Variants in DNAAF5 observed in about 807,000 individuals in gnomAD.
The protein encoded by DNAAF5 is dynein axonemal assembly factor 5.
A neutral mutation model predicts 75.8 loss-of-function variants in DNAAF5; 64 were observed. That is an observed-to-expected ratio of 0.84 (90% CI 0.69 to 1.04). The LOEUF is 1.04. DNAAF5 is among the 50% of genes least tolerant of loss of function. The pLI is 0.00. For synonymous variants in DNAAF5, 657 were observed against 557.2 expected (o/e 1.18, Z -2.52); for missense variants, 1,269 against 1,178.5 (o/e 1.08, Z -1.12).
intron 11 of DNAAF5, among the ~76,000 whole-genome samples, chr7:779,750 C>G (rs574109146): frequency 6.6e-6 from 1 of 152,288 alleles, no homozygotes; most frequent in South Asian, 2.1e-4. Context: ...CGCCTCCACT[C>G]TGTTGGCTGG....
intron 4 of DNAAF5, among the ~76,000 whole-genome samples, chr7:751,719 C>T (rs1010348292): frequency 1.3e-5 from 2 of 151,834 alleles, no homozygotes; most frequent in Non-Finnish European, 2.9e-5. Context: ...ATTACAGGCG[C>T]TCGCCAGCAC....
chr7:738,994 C>G (rs771472496), intron 2 of DNAAF5, among the ~76,000 whole-genome samples: 51 of 152,246 alleles, frequency 3.3e-4, no homozygotes, highest in Admixed American at 1.2e-3. Context: ...TGTGCTCAGG[C>G]CTTGTGGCCC....
chr7:784,633 C>T (rs559829843), intron 12 of DNAAF5, among the ~76,000 whole-genome samples: 72 of 152,280 alleles, frequency 4.7e-4, no homozygotes, highest in Non-Finnish European at 3.2e-4. Context: ...TTTTCATCAT[C>T]GGCCACTGCT....
intron 8 of DNAAF5, among the ~76,000 whole-genome samples, chr7:764,513 G>A (rs1303727764): frequency 2.0e-5 from 3 of 152,184 alleles, no homozygotes; most frequent in African/African-American, 4.8e-5. Context: ...CACGGCCCGC[G>A]CTGCTCCACG....
chr7:785,588 C>T lies in DNAAF5; in HGVS notation c.2503C>T (p.His835Tyr). Residue 835 changes from histidine to tyrosine, a missense_variant, in exon 13 of 13, where the codon CAC becomes TAC. Physicochemically the swap from His to Tyr is moderately conservative, Grantham distance 83. Transcript: ENST00000297440. ...VRETEAVIHK[H>Y]RSATYCEQLL... The stretch of plus-strand genomic sequence containing the variant: ...GGAGACGGAGGCCGTCATCCACAAG[C>T]ACCGCTCGGCCACCTACTGCGAGCA... The T allele has an allele frequency of 6.2e-7, 1 of 1,613,354 alleles. No individual in the cohort carries two copies. Among genetic ancestry groups the T allele is most frequent in the Non-Finnish European group, 8.5e-7 (1 of 1,180,022 alleles).
intron 8 of DNAAF5, among the ~76,000 whole-genome samples, chr7:766,526 A>G (rs1323117749): frequency 6.6e-6 from 1 of 152,242 alleles, no homozygotes; most frequent in East Asian, 1.9e-4. Context: ...ATACATTTGA[A>G]CCAAAATAAA....
intron 7 of DNAAF5, among the ~76,000 whole-genome samples, chr7:762,921 C>A (rs140312041): frequency 6.6e-6 from 1 of 152,184 alleles, no homozygotes; most frequent in African/African-American, 2.4e-5. Flanking sequence ...GCCATTATGC[C>A]CAAAAATCTT....
intron 8 of DNAAF5, chr7:769,020 G>A (rs1257301393): frequency 8.1e-6 from 5 of 613,818 alleles, no homozygotes; most frequent in African/African-American, 1.8e-5. Context: ...TGCGTGGGGA[G>A]GCCCTCCAAG....
chr7:735,562 C>T (rs901195390), intron 2 of DNAAF5, among the ~76,000 whole-genome samples: 1 of 152,200 alleles, frequency 6.6e-6, no homozygotes, highest in African/African-American at 2.4e-5. Flanking sequence ...AGTGTCGCTG[C>T]TCACGATGTC....
rs77762138 is a variant in DNAAF5 at position 773,711 on chromosome 7, G to A, written c.1932-337G>A. ...CCACCGCACCTGCCCTAGCCCAGGC[G>A]TCACTCAGGCCTCCTTTTGAAGCTA... On this transcript the variant is annotated intron_variant, in intron 9 of 12. Coordinates refer to ENST00000297440, the MANE Select transcript of DNAAF5 (RefSeq NM_017802.4). Among the ~76,000 whole-genome samples the A allele has an allele frequency of 2.1e-3, 318 of 152,280 alleles. 1 individual carries two copies. Among genetic ancestry groups the A allele is most frequent in the Non-Finnish European group, 3.1e-3 (210 of 68,018 alleles).
At chr7:757,326 G>A (rs556925291) in intron 6 of DNAAF5, among the ~76,000 whole-genome samples, 9 of 152,218 alleles carry the variant, frequency 5.9e-5, no homozygotes, top group African/African-American at 1.7e-4. Context: ...CACAGTTCAC[G>A]TGTTTGATGA....
intron 2 of DNAAF5, among the ~76,000 whole-genome samples, chr7:730,776 CAG>C (rs1287658711): frequency 6.7e-6 from 1 of 149,010 alleles, no homozygotes; most frequent in Non-Finnish European, 1.5e-5. Context: ...CGCAGAGACA[CAG>C]GGGGACCCTT....
chr7:776,520 G>T (rs771010899), intron 11 of DNAAF5, among the ~76,000 whole-genome samples: 1 of 151,234 alleles, frequency 6.6e-6, no homozygotes, highest in Non-Finnish European at 1.5e-5. Context: ...CGGGAAGGGG[G>T]ACCTCAGGGT....
chr7:775,260 A>G, intron 11 of DNAAF5, 98 bp downstream of exon 11: 1 of 1,114,900 alleles, frequency 9.0e-7, no homozygotes, highest in Non-Finnish European at 1.3e-6. Context: ...AACTCAGATC[A>G]AAACTATCTC....
intron 11 of DNAAF5, among the ~76,000 whole-genome samples, chr7:779,328 C>T (rs560262342): frequency 6.6e-6 from 1 of 152,274 alleles, no homozygotes; most frequent in South Asian, 2.1e-4. Context: ...GATGGGCCTC[C>T]GGGTGGTTTT....
At chr7:752,866 A>G (rs1167322685) in intron 4 of DNAAF5, among the ~76,000 whole-genome samples, 1 of 152,272 alleles carries the variant, frequency 6.6e-6, no homozygotes, top group Non-Finnish European at 1.5e-5. Flanking sequence ...GAAACTCAGC[A>G]GGAAAACAAT....
chr7:773,462 G>A (rs570011397), intron 9 of DNAAF5, among the ~76,000 whole-genome samples: 1 of 152,086 alleles, frequency 6.6e-6, no homozygotes, highest in Non-Finnish European at 1.5e-5. Flanking sequence ...ACTTTGACCT[G>A]ACTGGTCACC....
intron 3 of DNAAF5, 92 bp from the exon 4 acceptor site, chr7:741,255 G>A: frequency 4.3e-6 from 4 of 919,858 alleles, no homozygotes; most frequent in Non-Finnish European, 6.7e-6. Context: ...TCACGCAATG[G>A]GGTCTTTGGG....
In DNAAF5 at chr7:726,953, T is replaced by C; in HGVS notation, c.233T>C (p.Leu78Pro). The C allele has an allele frequency of 7.5e-7, 1 of 1,327,824 alleles. No homozygotes were observed. The highest frequency in any genetic ancestry group is 9.7e-7 in the Non-Finnish European group (1 of 1,034,796). 82.3% of individuals were successfully genotyped at this position (1,327,824 alleles called of 1,614,324 possible). ...CAGGGCCCCTGGGCGCGCCTACTGC[T>C]GCCGCGCTTGCTGCGCTGCCTGAGC... ...AFQGPWARLL[L>P]PRLLRCLSDP... Residue 78 changes from leucine to proline, a missense_variant, in exon 1 of 13, where the codon CTG (leucine) becomes CCG (proline). Coordinates refer to ENST00000297440, the MANE Select transcript of DNAAF5 (RefSeq NM_017802.4).
Sources: allele counts gnomAD v4.1 joint callset (sites outside exome capture counted in the v4.1 genomes callset), GRCh38; gene constraint gnomAD v4.1.1; transcripts MANE v1.5; gene names NCBI Gene and HGNC (gene_info 2026-07-23, HGNC 2026-07-21).